PTPRD: variants seen among roughly 807,000 people sequenced by gnomAD.
The protein encoded by PTPRD is receptor-type tyrosine-protein phosphatase delta.
Under a neutral mutation model 214.5 loss-of-function variants are expected in PTPRD, and 34 were observed. That is an observed-to-expected ratio of 0.16 (90% CI 0.12 to 0.21). The LOEUF (loss-of-function observed/expected upper bound fraction) is 0.21, where lower values mean the gene tolerates loss of function less well. Among genes scored for constraint, PTPRD ranks in the 10% least tolerant of loss-of-function variants. The probability of loss-of-function intolerance (pLI) is 1.00; values close to 1 mark genes in which losing one functional copy is unlikely to be tolerated. For synonymous variants in PTPRD, 1,128 were observed against 845.7 expected, an observed-to-expected ratio of 1.33 and a Z score of -5.79; for missense variants, 2,545 against 2,398.7, an observed-to-expected ratio of 1.06 and a Z score of -1.27.
intron 39 of PTPRD, among the ~76,000 whole-genome samples, chr9:8,344,498 G>A (rs955743072): frequency 4.0e-5 from 6 of 151,828 alleles, no homozygotes; most frequent in African/African-American, 1.2e-4. Context: ...ATACGTGTGA[G>A]TCCAAATCAT....
chr9:9,136,089 A>G (rs367983751), intron 10 of PTPRD, among the ~76,000 whole-genome samples: 130 of 152,304 alleles, frequency 8.5e-4, no homozygotes, highest in African/African-American at 3.1e-3. Context: ...TCTCAACCTC[A>G]TAACATACCG....
intron 39 of PTPRD, among the ~76,000 whole-genome samples, chr9:8,352,580 TACGTACAACGTGTGCAACCTGCTCAGTCC>T (rs2075816309): frequency 6.6e-6 from 1 of 152,150 alleles, no homozygotes; most frequent in African/African-American, 2.4e-5. Context: ...TCACATGGAC[TACGTACAACGTGTGCAACCTGCTCAGTCC>T]ACACAGCAGG....
At chr9:8,731,028 G>A (rs985067084) in intron 12 of PTPRD, among the ~76,000 whole-genome samples, 1 of 152,150 alleles carries the variant, frequency 6.6e-6, no homozygotes, top group African/African-American at 2.4e-5. Flanking sequence ...AACTGGCAAT[G>A]GCAAAGACTA....
intron 3 of PTPRD, among the ~76,000 whole-genome samples, chr9:10,285,455 G>T (rs976744112): frequency 3.3e-5 from 5 of 152,010 alleles, no homozygotes; most frequent in Admixed American, 6.6e-5. Flanking sequence ...TTTAACATGT[G>T]TCTAAAGTTA....
At chr9:9,217,024 T>A (rs989174244) in intron 9 of PTPRD, among the ~76,000 whole-genome samples, 1 of 152,104 alleles carries the variant, frequency 6.6e-6, no homozygotes, top group African/African-American at 2.4e-5. Flanking sequence ...AGAACCAATA[T>A]GTTTAAGAAA....
intron 3 of PTPRD, among the ~76,000 whole-genome samples, chr9:10,273,293 A>AG (rs2094516723): frequency 6.6e-6 from 1 of 152,118 alleles, no homozygotes; most frequent in Non-Finnish European, 1.5e-5. Context: ...TTGCCACACC[A>AG]TGGGGTACAT....
chr9:8,590,201 A>G (rs1159143864), intron 14 of PTPRD, among the ~76,000 whole-genome samples: 1 of 152,166 alleles, frequency 6.6e-6, no homozygotes, highest in Non-Finnish European at 1.5e-5. Flanking sequence ...TGAATCAAAT[A>G]TAGACTTCCT....
chr9:10,490,270 T>G (rs139253614), intron 2 of PTPRD, among the ~76,000 whole-genome samples: 2 of 152,316 alleles, frequency 1.3e-5, no homozygotes, highest in African/African-American at 4.8e-5. Flanking sequence ...AAAAGCAGTG[T>G]GTGATAATAA....
intron 9 of PTPRD, among the ~76,000 whole-genome samples, chr9:9,184,786 C>T (rs1569559898): frequency 1.3e-5 from 2 of 151,806 alleles, no homozygotes; most frequent in African/African-American, 2.4e-5. Context: ...ACTTACCATC[C>T]CTCTCTCTGT....
rs73392289 is a variant in PTPRD, at chr9:10,490,419, T to C, written c.-600+121979A>G. Among the ~76,000 whole-genome samples, 903 of 152,288 alleles carry C rather than the reference T, an allele frequency of 5.9e-3. 6 individuals carry two copies. Among genetic ancestry groups the C allele is most frequent in the African/African-American group, 0.021 (870 of 41,570 alleles). On this transcript the variant is annotated intron_variant, in intron 2 of 45. Coordinates refer to ENST00000381196, the MANE Select transcript of PTPRD (RefSeq NM_002839.4). ...AAAATAATTATTGCCATCATCCTAA[T>C]AGAAGGTCTTGTATATTATGCTTGG...
intron 8 of PTPRD, among the ~76,000 whole-genome samples, chr9:9,399,358 C>A (rs1028940092): frequency 1.3e-5 from 2 of 151,872 alleles, no homozygotes; most frequent in African/African-American, 4.8e-5. Flanking sequence ...CATTCCAATC[C>A]CCTCTGGTTC....
chr9:8,569,666 G>A (rs1475727461), intron 14 of PTPRD, among the ~76,000 whole-genome samples: 2 of 152,052 alleles, frequency 1.3e-5, no homozygotes, highest in Non-Finnish European at 2.9e-5. Flanking sequence ...AAACTGAGCA[G>A]TCATATAACA....
At chr9:10,019,746 G>A (rs1286502233) in intron 4 of PTPRD, among the ~76,000 whole-genome samples, 3 of 145,862 alleles carry the variant, frequency 2.1e-5, no homozygotes, top group African/African-American at 4.9e-5. Context: ...ACGGACACAG[G>A]AAGGGGAACA....
chr9:9,164,481 G>T (rs1271772480), intron 10 of PTPRD, among the ~76,000 whole-genome samples: 1 of 152,114 alleles, frequency 6.6e-6, no homozygotes, highest in Non-Finnish European at 1.5e-5. Flanking sequence ...AAAACTTTTT[G>T]ACACAGAAGC....
At chr9:10,553,715 A>G (rs2061852540) in intron 2 of PTPRD, among the ~76,000 whole-genome samples, 1 of 152,166 alleles carries the variant, frequency 6.6e-6, no homozygotes, top group East Asian at 1.9e-4. Flanking sequence ...GTATACACAC[A>G]TATATTCAAA....
intron 5 of PTPRD, among the ~76,000 whole-genome samples, chr9:9,842,579 A>G (rs951712964): frequency 3.3e-5 from 5 of 152,030 alleles, no homozygotes; most frequent in African/African-American, 1.2e-4. Context: ...TAAAACTAGT[A>G]TCGTTGTTAA....
intron 3 of PTPRD, among the ~76,000 whole-genome samples, chr9:10,158,875 C>T (rs1006335211): frequency 3.3e-5 from 5 of 152,076 alleles, no homozygotes; most frequent in Non-Finnish European, 7.4e-5. Context: ...GCAAAATATC[C>T]CTAAGGATAT....
chr9:10,119,613 C>T (rs886349181), intron 3 of PTPRD, among the ~76,000 whole-genome samples: 7 of 151,698 alleles, frequency 4.6e-5, no homozygotes, highest in South Asian at 4.2e-4. Flanking sequence ...TTGAGGGAAC[C>T]GGTAAGATAT....
intron 8 of PTPRD, among the ~76,000 whole-genome samples, chr9:9,434,930 G>C (rs1437943764): frequency 6.7e-6 from 1 of 149,566 alleles, no homozygotes; most frequent in Non-Finnish European, 1.5e-5. Flanking sequence ...AGTATCCTCT[G>C]TTTTCATTAG....
Sources: gnomAD v4.1 joint callset for allele counts (sites outside exome capture counted in the v4.1 genomes callset) on GRCh38, gnomAD v4.1.1 for gene constraint, MANE v1.5 for transcripts, NCBI Gene and HGNC (gene_info 2026-07-23, HGNC 2026-07-21) for gene names.